The following ZNF469 variants were observed in gnomAD, a reference collection of about 807,000 sequenced individuals.
ZNF469 encodes the protein zinc finger protein 469.
A neutral mutation model predicts 1.0 loss-of-function variants in ZNF469; 1 was observed. The ratio of observed to expected loss-of-function variants is 1.00; its 90% confidence interval spans 0.35 to 4.73. The LOEUF (loss-of-function observed/expected upper bound fraction) is 4.73. Among genes scored for constraint, ZNF469 ranks in the 30% most tolerant of loss-of-function variants. The pLI, the probability that ZNF469 is intolerant of heterozygous loss-of-function variation, is 0.16. For missense variants in ZNF469, 6,100 were observed against 5,356.3 expected (o/e 1.14, Z -4.33); for synonymous variants, 2,703 against 2,363.4 (o/e 1.14, Z -4.17).
At chr16:88,259,174 TGCGGCCAGGCCTC>T in the ZNF469 span, among the ~76,000 whole-genome samples, 11 of 152,324 alleles carry the variant, frequency 7.2e-5, no homozygotes, top group African/African-American at 2.6e-4. This position sits in a 1 kb window ranked among gnomAD's most constrained non-coding sequence, Gnocchi z 4.1. Context: ...AATGAGGCCG[TGCGGCCAGGCCTC>T]GCGGCCACCC....
chr16:88,394,908 A>G (rs1276423727), intron 1 of ZNF469, among the ~76,000 whole-genome samples: 1 of 151,698 alleles, frequency 6.6e-6, no homozygotes, highest in Admixed American at 6.6e-5. Flanking sequence ...ACCAACCTGT[A>G]CTCACCCCGA....
At chr16:88,366,751 C>T in the ZNF469 span, among the ~76,000 whole-genome samples, 1 of 151,346 alleles carries the variant, frequency 6.6e-6, no homozygotes, top group South Asian at 2.1e-4. Flanking sequence ...ATCATCATCA[C>T]TATCACCATC....
At chr16:88,384,099 C>T (rs764431359) in intron 1 of ZNF469, among the ~76,000 whole-genome samples, 3 of 152,260 alleles carry the variant, frequency 2.0e-5, no homozygotes, top group Non-Finnish European at 2.9e-5. Context: ...GCTTCATCCC[C>T]AGCCGTGAGC....
the ZNF469 span, among the ~76,000 whole-genome samples, chr16:88,122,120 TGTGGCC>T: frequency 1.4e-5 from 2 of 145,416 alleles, no homozygotes; most frequent in African/African-American, 2.5e-5. Flanking sequence ...TGTCACTCAC[TGTGGCC>T]ACAGTGGCCA....
At chr16:88,388,326 C>G (rs1371573266) in intron 1 of ZNF469, among the ~76,000 whole-genome samples, 1 of 152,262 alleles carries the variant, frequency 6.6e-6, no homozygotes, top group East Asian at 1.9e-4. Context: ...TGTCTCTGGG[C>G]TGTTCGCAGG....
the ZNF469 span, among the ~76,000 whole-genome samples, chr16:88,309,787 C>G: frequency 6.6e-6 from 1 of 152,028 alleles, no homozygotes; most frequent in Non-Finnish European, 1.5e-5. Flanking sequence ...GAGTGTGGTT[C>G]ACTCTCCTCA....
chr16:88,434,366 C>G lies in ZNF469; in HGVS notation c.6896C>G (p.Ala2299Gly). 7 of 1,550,114 alleles carry G rather than the reference C, an allele frequency of 4.5e-6. No individual in the cohort carries two copies. Among genetic ancestry groups the G allele is most frequent in the Non-Finnish European group, 6.1e-6 (7 of 1,146,962 alleles). ...ACTCCCACCGGAGATGAGGCACAGG[C>G]AGGCAGGGGACTCCCAGGGCCAGAC... ...SSTPTGDEAQ[A>G]GRGLPGPDPQ... The change falls in exon 3 of 3, where the codon GCA becomes GGA. Residue 2299 changes from alanine (A) to glycine (G), a missense_variant. Ala to Gly is a moderately conservative substitution (Grantham distance 60). Transcript: ENST00000565624.
chr16:88,133,987 C>G, the ZNF469 span, among the ~76,000 whole-genome samples: 1 of 151,480 alleles, frequency 6.6e-6, no homozygotes, highest in Non-Finnish European at 1.5e-5. Flanking sequence ...CCCAGCTACT[C>G]GAGAGGCTGA....
the ZNF469 span, among the ~76,000 whole-genome samples, chr16:88,267,138 A>G: frequency 2.0e-5 from 3 of 152,260 alleles, no homozygotes; most frequent in Non-Finnish European, 2.9e-5. Flanking sequence ...GGCACCCTCC[A>G]TCGGCGCCCT....
the ZNF469 span, among the ~76,000 whole-genome samples, chr16:88,196,527 C>T: frequency 6.6e-6 from 1 of 152,188 alleles, no homozygotes; most frequent in Non-Finnish European, 1.5e-5. Context: ...ACAGCCCCAA[C>T]TAAAACCCAC....
At chr16:88,182,241 GGA>G in the ZNF469 span, among the ~76,000 whole-genome samples, 3 of 152,112 alleles carry the variant, frequency 2.0e-5, no homozygotes, top group Non-Finnish European at 4.4e-5. Context: ...CTAAATAAAT[GGA>G]GAGATGTACC....
the ZNF469 span, among the ~76,000 whole-genome samples, chr16:88,366,491 C>T: frequency 4.8e-5 from 7 of 146,954 alleles, no homozygotes; most frequent in African/African-American, 7.6e-5. Flanking sequence ...ATCATCATCA[C>T]CACCACCATC....
the ZNF469 span, among the ~76,000 whole-genome samples, chr16:88,154,788 G>T: frequency 6.6e-6 from 1 of 152,304 alleles, no homozygotes; most frequent in Admixed American, 6.5e-5. Context: ...TCGAGGGGAC[G>T]GTGAACGCAG....
chr16:88,428,684 A>G lies in ZNF469; in HGVS notation c.1214A>G (p.His405Arg). 3 of 1,549,636 alleles carry G rather than the reference A, an allele frequency of 1.9e-6. No individual in the cohort carries two copies. The highest frequency in any genetic ancestry group is 1.2e-5 in the South Asian group (1 of 84,058). ...CCCCCTAGCTCCCTACCCCAGAGGC[A>G]CTTTCCAGGGCAGGCGTACAGAGCC... Reference protein sequence around the residue: ...RGPPSSLPQRHFPGQAYRASG... With the variant: ...RGPPSSLPQRRFPGQAYRASG... Residue 405 changes from histidine to arginine, a missense_variant, in exon 3 of 3, where the codon CAC becomes CGC. By Grantham distance (29) the His-to-Arg change is conservative (BLOSUM62 0). Transcript: ENST00000565624.
At chr16:88,140,281 C>T in the ZNF469 span, among the ~76,000 whole-genome samples, 68 of 144,802 alleles carry the variant, frequency 4.7e-4, no homozygotes, top group Middle Eastern at 3.4e-3. Flanking sequence ...AAATACAATA[C>T]GGAGGAATAA....
chr16:88,269,854 G>T, the ZNF469 span, among the ~76,000 whole-genome samples: 1 of 152,094 alleles, frequency 6.6e-6, no homozygotes, highest in Non-Finnish European at 1.5e-5. Context: ...TTCTGAGTGT[G>T]TCTGACTTCC....
chr16:88,205,803 G>A, the ZNF469 span, among the ~76,000 whole-genome samples: 1 of 152,224 alleles, frequency 6.6e-6, no homozygotes, highest in Non-Finnish European at 1.5e-5. The surrounding 1 kb of genome is among the most constrained non-coding windows in gnomAD (Gnocchi z 4.2). Context: ...TGAGTGATGT[G>A]TGTGAGGACT....
chr16:88,181,073 C>CT, the ZNF469 span, among the ~76,000 whole-genome samples: 12,058 of 131,106 alleles, frequency 0.092, 683 homozygotes, highest in East Asian at 0.25. Context: ...AGAATACACA[C>CT]TTTTTTTTTT....
rs568359965 is a variant in ZNF469, at chr16:88,429,805, G to A, written c.2335G>A (p.Ala779Thr). 4.5e-6 allele frequency: 7 copies of A among 1,545,082 alleles called. No homozygotes were observed. Among genetic ancestry groups the A allele is most frequent in the South Asian group, 2.4e-5 (2 of 83,936 alleles). Residue 779 changes from alanine (A) to threonine (T), a missense_variant, in exon 3 of 3, where the codon GCC becomes ACC. Ala to Thr is a moderately conservative substitution (Grantham distance 58). Coordinates refer to ENST00000565624, the MANE Select transcript of ZNF469 (RefSeq NM_001367624.2). The part of the protein sequence containing the change: ...GPPGLPSPPA[A>T]PRVPADAHAG... ...CCCTGGGCTCCCCTCGCCCCCCGCTGCCCCCAGAGTCCCTGCCGACGCACA... is the reference window on the plus strand; with the variant it reads ...CCCTGGGCTCCCCTCGCCCCCCGCTACCCCCAGAGTCCCTGCCGACGCACA...
Sources: allele counts gnomAD v4.1 joint callset (sites outside exome capture counted in the v4.1 genomes callset), GRCh38; gene constraint gnomAD v4.1.1; non-coding constraint Gnocchi (gnomAD v3.1); transcripts MANE v1.5; gene names NCBI Gene and HGNC (gene_info 2026-07-23, HGNC 2026-07-21).